Variants in PDZRN3 observed in about 807,000 individuals in gnomAD.
PDZRN3 encodes PDZ domain containing ring finger 3.
Under a neutral mutation model 85.7 loss-of-function variants are expected in PDZRN3, and 38 were observed. The ratio of observed to expected loss-of-function variants is 0.44; its 90% CI spans 0.34 to 0.58. The LOEUF is 0.58. Ranked by LOEUF, PDZRN3 falls within the 20% of genes least tolerant of loss-of-function variation. PDZRN3 has a pLI of 0.01. For missense variants in PDZRN3, 1,629 were observed against 1,506.4 expected (o/e 1.08, Z -1.35); for synonymous variants, 759 against 638.0 (o/e 1.19, Z -2.86).
At chr3:73,496,520 T>C (rs974282265) in intron 3 of PDZRN3, among the ~76,000 whole-genome samples, 1 of 151,898 alleles carries the variant, frequency 6.6e-6, no homozygotes, top group South Asian at 2.1e-4. Context: ...CCAGAGACCA[T>C]GTCATTTCAC....
At chr3:73,599,799 T>C (rs1702484474) in intron 3 of PDZRN3, among the ~76,000 whole-genome samples, 1 of 152,222 alleles carries the variant, frequency 6.6e-6, no homozygotes, top group South Asian at 2.1e-4. Flanking sequence ...TCTGGCAGCA[T>C]CTGCAGCCAC....
intron 3 of PDZRN3, among the ~76,000 whole-genome samples, chr3:73,596,917 T>C (rs1702437786): frequency 6.6e-6 from 1 of 152,134 alleles, no homozygotes; most frequent in Non-Finnish European, 1.5e-5. Flanking sequence ...CTGTTACATA[T>C]GAGAATGTCT....
Position 73,384,033 on chromosome 3 carries a change from C to G in PDZRN3, c.2533G>C (p.Gly845Arg). 1 of 1,594,596 alleles carries G rather than the reference C, an allele frequency of 6.3e-7. No homozygotes were observed. The highest frequency in any genetic ancestry group is 8.5e-7 in the Non-Finnish European group (1 of 1,171,512). ...TGGCTGGGCGTGGGGCTCCGGCTCC[C>G]GTCGCTGGCTCTCCGCTCTTTGCTT... ...LESKERRASD[G>R]SRSPTPSQKL... Residue 845 changes from glycine (G) to arginine (R), a missense_variant, in exon 10 of 10, where the codon GGG becomes CGG. By Grantham distance (125) the Gly-to-Arg change is moderately radical. Transcript: ENST00000263666.
chr3:73,468,454 T>C (rs1703267443), intron 3 of PDZRN3, among the ~76,000 whole-genome samples: 2 of 152,024 alleles, frequency 1.3e-5, no homozygotes, highest in African/African-American at 4.8e-5. Context: ...CTTTTTTTTT[T>C]TCTTTGAGTC....
chr3:73,602,566 G>A lies in PDZRN3; in HGVS notation c.811-105C>T, dbSNP rs1702531190. ...GTAATTGACTCTTGCTGTGTCAAGA[G>A]TGGCAATAGGGTAAAAGGTATTTGT... On this transcript the variant is annotated intron_variant, in intron 2 of 9. Transcript: ENST00000263666. 4 of 675,584 alleles carry A rather than the reference G, an allele frequency of 5.9e-6. No homozygotes were observed. In the Admixed American group the frequency reaches 7.4e-5, roughly 13 times the overall value. The allele number at this position is 675,584 out of a possible 1,614,324, so 41.8% of individuals were successfully genotyped here.
At chr3:73,468,404 C>G (rs1454976610) in intron 3 of PDZRN3, among the ~76,000 whole-genome samples, 1 of 151,732 alleles carries the variant, frequency 6.6e-6, no homozygotes, top group Non-Finnish European at 1.5e-5. Context: ...TTTTAAGCAC[C>G]TTTTCCCCCC....
At chr3:73,480,064 G>T (rs1214740096) in intron 3 of PDZRN3, among the ~76,000 whole-genome samples, 10 of 152,252 alleles carry the variant, frequency 6.6e-5, no homozygotes, top group Non-Finnish European at 1.0e-4. Flanking sequence ...CACCATCCTT[G>T]GGGTAGGACC....
chr3:73,516,779 A>G (rs994130649), intron 3 of PDZRN3, among the ~76,000 whole-genome samples: 1 of 152,196 alleles, frequency 6.6e-6, no homozygotes, highest in Non-Finnish European at 1.5e-5. Flanking sequence ...CACTCCAGAA[A>G]ACGTTTACAC....
At chr3:73,465,436 C>G (rs1456357762) in intron 3 of PDZRN3, among the ~76,000 whole-genome samples, 1 of 152,126 alleles carries the variant, frequency 6.6e-6, no homozygotes, top group Non-Finnish European at 1.5e-5. Flanking sequence ...TGTTTCCAGC[C>G]TGCAGAATTA....
chr3:73,460,520 G>C lies in PDZRN3; in HGVS notation c.919-56125C>G, dbSNP rs144296123. Among the ~76,000 whole-genome samples, 7 of 152,242 alleles carry C rather than the reference G, an allele frequency of 4.6e-5. No individual in the cohort carries two copies. The East Asian group carries it at 1.4e-3, about 29-fold the overall frequency. On this transcript the variant is annotated intron_variant, in intron 3 of 9. Transcript: ENST00000263666. The stretch of plus-strand genomic sequence containing the variant: ...CTTGACCATCCACTGGAAACGACAG[G>C]CTTCTTACAAAGTAAGAAATTTAAA...
chr3:73,412,590 C>G (rs1489650254), intron 3 of PDZRN3, among the ~76,000 whole-genome samples: 1 of 152,160 alleles, frequency 6.6e-6, no homozygotes, highest in African/African-American at 2.4e-5. Flanking sequence ...AGGTGCAAAG[C>G]TTTGGGTCTG....
chr3:73,419,678 C>T (rs557607268), intron 3 of PDZRN3, among the ~76,000 whole-genome samples: 1 of 152,192 alleles, frequency 6.6e-6, no homozygotes, highest in Non-Finnish European at 1.5e-5. Flanking sequence ...TTCATCGTGC[C>T]TTACAGATGA....
intron 5 of PDZRN3, among the ~76,000 whole-genome samples, chr3:73,393,133 G>C (rs542826596): frequency 9.2e-5 from 14 of 152,218 alleles, no homozygotes; most frequent in African/African-American, 3.4e-4. Flanking sequence ...AGCTCGCCCA[G>C]TGCTACCCCT....
At chr3:73,602,856 A>C (rs1468506458) in intron 2 of PDZRN3, among the ~76,000 whole-genome samples, 1 of 152,236 alleles carries the variant, frequency 6.6e-6, no homozygotes, top group Non-Finnish European at 1.5e-5. Context: ...AACTCTAAAA[A>C]TCATGAAGAT....
Position 73,384,803 on chromosome 3 carries a change from T to C in PDZRN3, c.1763A>G (p.Asn588Ser). Residue 588 changes from asparagine (N) to serine (S), a missense_variant, in exon 10 of 10, where the codon AAC becomes AGC. Physicochemically the swap from Asn to Ser is conservative, Grantham distance 46 (BLOSUM62 1). Transcript: ENST00000263666. ...GGATGCGGTGGCGTCGTCGCCATTGTTCTCTTGCTCCGAGCTCTCGTCATT... is the reference window on the plus strand; with the variant it reads ...GGATGCGGTGGCGTCGTCGCCATTGCTCTCTTGCTCCGAGCTCTCGTCATT... ...TRNDESSEQE[N>S]NGDDATASSN... 2 of 1,614,072 alleles carry C rather than the reference T, an allele frequency of 1.2e-6. No individual in the cohort carries two copies. The highest frequency in any genetic ancestry group is 1.7e-6 in the Non-Finnish European group (2 of 1,180,032).
chr3:73,467,473 T>C (rs188359280), intron 3 of PDZRN3, among the ~76,000 whole-genome samples: 3 of 152,366 alleles, frequency 2.0e-5, no homozygotes, highest in African/African-American at 7.2e-5. Flanking sequence ...TACACAGCGA[T>C]TCCCAGTAAC....
rs545895725 is a variant in PDZRN3, at chr3:73,390,481, G to C, written c.1353+537C>G. On this transcript the variant is annotated intron_variant, in intron 6 of 9. Coordinates refer to ENST00000263666, the MANE Select transcript of PDZRN3 (RefSeq NM_015009.3). The stretch of plus-strand genomic sequence containing the variant: ...TTTCTGTGTTTGCAAGGATGGGTGT[G>C]CACTGTAAAGTTTCCATACTGAAAT... Among the ~76,000 whole-genome samples the C allele has an allele frequency of 1.1e-3, 175 of 152,236 alleles. 2 individuals are homozygous for C. Among genetic ancestry groups the C allele is most frequent in the African/African-American group, 3.9e-3 (163 of 41,534 alleles).
intron 3 of PDZRN3, among the ~76,000 whole-genome samples, chr3:73,495,577 T>C (rs1198116794): frequency 6.6e-6 from 1 of 152,264 alleles, no homozygotes. Flanking sequence ...CTTTATTTAA[T>C]TATTCTGCTA....
At chr3:73,575,123 C>T (rs1404102712) in intron 3 of PDZRN3, among the ~76,000 whole-genome samples, 3 of 152,158 alleles carry the variant, frequency 2.0e-5, no homozygotes, top group Non-Finnish European at 2.9e-5. Flanking sequence ...TCAACATGAT[C>T]GCCTAAAGAA....
Sources: allele counts gnomAD v4.1 joint callset (sites outside exome capture counted in the v4.1 genomes callset), GRCh38; gene constraint gnomAD v4.1.1; transcripts MANE v1.5; gene names NCBI Gene and HGNC (gene_info 2026-07-23, HGNC 2026-07-21).